The following CYP26B1 variants were observed in gnomAD, a reference collection of about 807,000 sequenced individuals.
CYP26B1 encodes the protein cytochrome P450 26B1.
Under a neutral mutation model 39.1 loss-of-function variants are expected in CYP26B1, and 8 were observed. The observed-to-expected ratio is 0.20, with a 90% CI of 0.12 to 0.37. CYP26B1 has a LOEUF of 0.37. Ranked by LOEUF, CYP26B1 falls within the 10% of genes least tolerant of loss-of-function variation. The pLI is 1.00. For missense variants in CYP26B1, 615 were observed against 707.0 expected (o/e 0.87, Z 1.48); for synonymous variants, 321 against 314.3 (o/e 1.02, Z -0.23).
rs267599444 is a variant in CYP26B1, at chr2:72,135,145, C to A, written c.704G>T (p.Arg235Leu). ...PVDLPFSGYR[R>L]GIQARQILQK... ...TCCTCCCAGGCCCTGGGTGCTCACC[C>A]GCCGGTAGCCACTGAAGGGCAGGTC... is the stretch of plus-strand genomic sequence containing the variant. Residue 235 changes from arginine to leucine, a missense_variant and splice_region_variant, in exon 3 of 6, where the codon CGG becomes CTG. Physicochemically the swap from Arg to Leu is moderately radical, Grantham distance 102. Coordinates refer to ENST00000001146, the MANE Select transcript of CYP26B1 (RefSeq NM_019885.4). The A allele has an allele frequency of 1.2e-6, 2 of 1,613,440 alleles. No homozygotes were observed. The highest frequency in any genetic ancestry group is 2.2e-5 in the East Asian group (1 of 44,868).
rs549950965 is a variant in CYP26B1, at chr2:72,132,870, G to A, written c.1146+153C>T. On this transcript the variant is annotated intron_variant, in intron 5 of 5. Transcript: ENST00000001146. ...TGGCTTCACCTGATGCATTTGGGGC[G>A]CACTTCTCCCATCGGACTGAAAGCT... 8.5e-5 allele frequency among the ~76,000 whole-genome samples: 13 copies of A among 152,374 alleles called. No homozygotes were observed. In the East Asian group the frequency reaches 1.2e-3, roughly 14 times the overall value.
At chr2:72,133,385 C>T (rs1676659174) in intron 4 of CYP26B1, 78 bp from the exon 5 acceptor site, 4 of 1,536,422 alleles carry the variant, frequency 2.6e-6, no homozygotes, top group South Asian at 2.4e-5. Context: ...GTCAGTGGCC[C>T]GTGTGCCCAG....
chr2:72,147,586 GC>G lies in CYP26B1; in HGVS notation c.204+44del, dbSNP rs774154249. 14 of 1,555,154 alleles carry G rather than the reference GC, an allele frequency of 9.0e-6. No homozygotes were observed. Among genetic ancestry groups the G allele is most frequent in the Non-Finnish European group, 8.7e-6 (10 of 1,153,134 alleles). On this transcript the variant is annotated intron_variant, in intron 1 of 5. Transcript: ENST00000001146. The surrounding 1 kb of genome is among the most constrained non-coding windows in gnomAD (Gnocchi z 6.1). ...CCGCCGCTCCGTCTGCCCCGCGCTC[GC>G]AGCTAGCGGACCCCGGAGTGCAGCG... is the stretch of plus-strand genomic sequence containing the variant.
chr2:72,138,002 T>C (rs929044688), intron 2 of CYP26B1, among the ~76,000 whole-genome samples: 1 of 152,192 alleles, frequency 6.6e-6, no homozygotes, highest in African/African-American at 2.4e-5. Flanking sequence ...GCTGGGTTCA[T>C]GAGAGGCCCG....
At chr2:72,132,780 C>T (rs1676631631) in intron 5 of CYP26B1, among the ~76,000 whole-genome samples, 161 bp from the exon 6 acceptor site, 1 of 152,256 alleles carries the variant, frequency 6.6e-6, no homozygotes, top group Non-Finnish European at 1.5e-5. Flanking sequence ...CTGCCCCATT[C>T]AGCATGTTAG....
chr2:72,144,517 T>TCCGCCCCCACCC (rs1677059759), intron 1 of CYP26B1: 1 of 1,154,530 alleles, frequency 8.7e-7, no homozygotes, highest in Non-Finnish European at 1.1e-6. Context: ...AGCGGGAGTC[T>TCCGCCCCCACCC]CCGCCCCCAC....
chr2:72,132,905 C>T (rs1245368219), intron 5 of CYP26B1, 118 bp downstream of exon 5: 23 of 1,517,506 alleles, frequency 1.5e-5, no homozygotes, highest in Non-Finnish European at 1.9e-5. Flanking sequence ...TCCCTGAAAG[C>T]AAGCACTGTT....
intron 2 of CYP26B1, among the ~76,000 whole-genome samples, chr2:72,143,289 C>T (rs1677002463): frequency 6.6e-6 from 1 of 152,202 alleles, no homozygotes; most frequent in Non-Finnish European, 1.5e-5. Flanking sequence ...GGGCGGGGGC[C>T]TGTCCCGTGC....
chr2:72,134,363 G>T (rs1050301271), intron 4 of CYP26B1, among the ~76,000 whole-genome samples: 1 of 151,286 alleles, frequency 6.6e-6, no homozygotes, highest in African/African-American at 2.4e-5. Context: ...ACCTGAAAAG[G>T]CTGGGGGTGG....
chr2:72,135,497 T>C, intron 2 of CYP26B1, 78 bp from the exon 3 acceptor site: 2 of 1,577,194 alleles, frequency 1.3e-6, no homozygotes, highest in Non-Finnish European at 1.7e-6. Flanking sequence ...GCCTGAACAA[T>C]GAATGTGACT....
At position 72,133,039 on chromosome 2, in the gene CYP26B1, T is replaced by C; in HGVS notation, c.1130A>G (p.Gln377Arg). ...PISGGYRTVLQTFELDGFQIP... is the reference protein window; with the variant it reads ...PISGGYRTVLRTFELDGFQIP... ...CAGCCTCACATCAAGCTCGAAGGTC[T>C]GCAGCACAGTGCGGTAGCCGCCGGA... is the stretch of plus-strand genomic sequence containing the variant. Residue 377 changes from glutamine (Q) to arginine (R), a missense_variant, in exon 5 of 6, where the codon CAG becomes CGG. Transcript: ENST00000001146. 1 of 1,613,232 alleles carries C rather than the reference T, an allele frequency of 6.2e-7. No homozygotes were observed. Among genetic ancestry groups the C allele is most frequent in the Non-Finnish European group, 8.5e-7 (1 of 1,179,978 alleles).
intron 2 of CYP26B1, chr2:72,143,195 G>T (rs1042627073): frequency 1.3e-5 from 2 of 154,714 alleles, no homozygotes; most frequent in African/African-American, 4.8e-5. Context: ...GGCGGCTTAG[G>T]GCCCGCCCGC....
intron 4 of CYP26B1, among the ~76,000 whole-genome samples, chr2:72,133,762 G>A (rs552532638): frequency 1.3e-3 from 195 of 152,286 alleles, no homozygotes; most frequent in Non-Finnish European, 2.4e-3. Context: ...TTCCTCCATC[G>A]CAGGAGGAGG....
At position 72,130,663 on chromosome 2, in the gene CYP26B1, C is replaced by T. The variant is rs1368852642; in HGVS notation, c.*1564G>A. The T allele has an allele frequency of 1.3e-5, 2 of 152,190 alleles. No individual in the cohort carries two copies. Among genetic ancestry groups the T allele is most frequent in the African/African-American group, 4.8e-5 (2 of 41,438 alleles). The allele number at this position is 152,190 out of a possible 1,614,324, so 9.4% of individuals were successfully genotyped here. On this transcript the variant is annotated 3_prime_UTR_variant, in exon 6 of 6. Transcript: ENST00000001146. Reference sequence around the variant, plus strand: ...CAGAAAGCAAGGAAAAATCTAGAGACTCACCAAACGCCCGGAAACCTTCCC... The same window carrying T: ...CAGAAAGCAAGGAAAAATCTAGAGATTCACCAAACGCCCGGAAACCTTCCC...
At chr2:72,144,452 G>GT in intron 1 of CYP26B1, 2 of 1,319,164 alleles carry the variant, frequency 1.5e-6, no homozygotes, top group Non-Finnish European at 1.9e-6. Context: ...CCAGGAGGCT[G>GT]TTTTTTGGTA....
chr2:72,135,597 G>A (rs1339415987), intron 2 of CYP26B1, among the ~76,000 whole-genome samples, 178 bp from the exon 3 acceptor site: 2 of 152,160 alleles, frequency 1.3e-5, no homozygotes, highest in Non-Finnish European at 2.9e-5. Context: ...TGGCTTGTGA[G>A]GGGCATAAGT....
chr2:72,134,504 G>A (rs1351706629), intron 4 of CYP26B1, among the ~76,000 whole-genome samples: 1 of 152,188 alleles, frequency 6.6e-6, no homozygotes, highest in Non-Finnish European at 1.5e-5. Context: ...ACTAGGAAAT[G>A]AACTGAGATC....
At position 72,133,163 on chromosome 2, in the gene CYP26B1, C is replaced by T. The variant is rs199651471; in HGVS notation, c.1006G>A (p.Gly336Ser). 95 of 1,612,462 alleles carry T rather than the reference C, an allele frequency of 5.9e-5. No homozygotes were observed. The highest frequency in any genetic ancestry group is 4.5e-4 in the African/African-American group (34 of 75,058). ...CGCAGTGTGCCCTCGCAGGGGCAGCCGCCACTGTGCAGGATGCCATGAGCC... is the reference window on the plus strand; with the variant it reads ...CGCAGTGTGCCCTCGCAGGGGCAGCTGCCACTGTGCAGGATGCCATGAGCC... ...LRAHGILHSG[G>S]CPCEGTLRLD... The change falls in exon 5 of 6, where the codon GGC becomes AGC. Residue 336 changes from glycine to serine, a missense_variant. Gly to Ser is a moderately conservative substitution (Grantham distance 56). Coordinates refer to ENST00000001146, the MANE Select transcript of CYP26B1 (RefSeq NM_019885.4).
At chr2:72,133,465 G>T (rs1558966760) in intron 4 of CYP26B1, among the ~76,000 whole-genome samples, 158 bp from the exon 5 acceptor site, 1 of 152,246 alleles carries the variant, frequency 6.6e-6, no homozygotes, top group African/African-American at 2.4e-5. Context: ...TGTTGCCGGG[G>T]CATTAGTGTC....
Sources: allele counts gnomAD v4.1 joint callset (sites outside exome capture counted in the v4.1 genomes callset), GRCh38; gene constraint gnomAD v4.1.1; non-coding constraint Gnocchi (gnomAD v3.1); transcripts MANE v1.5; gene names NCBI Gene and HGNC (gene_info 2026-07-23, HGNC 2026-07-21).